Variants in ANK1 observed in about 807,000 individuals in gnomAD.
The protein encoded by ANK1 is ankyrin-1.
In ANK1, 51 loss-of-function variants were observed where a neutral mutation model predicts 210.4. The observed-to-expected ratio is 0.24, with a 90% CI of 0.19 to 0.31. The LOEUF (loss-of-function observed/expected upper bound fraction) is 0.31. ANK1 is among the 10% of genes least tolerant of loss of function. The pLI is 1.00. For synonymous variants in ANK1, 967 were observed against 1,025.9 expected (o/e 0.94, Z 1.10); for missense variants, 2,051 against 2,504.4 (o/e 0.82, Z 3.86).
intron 1 of ANK1, among the ~76,000 whole-genome samples, chr8:41,772,723 C>T (rs1190167464): frequency 6.6e-6 from 1 of 152,230 alleles, no homozygotes; most frequent in African/African-American, 2.4e-5. Flanking sequence ...CCGCAGCTGC[C>T]CTTGCAGTGT....
At chr8:41,732,505 T>C (rs1267129182) in intron 3 of ANK1, among the ~76,000 whole-genome samples, 1 of 151,708 alleles carries the variant, frequency 6.6e-6, no homozygotes, top group East Asian at 1.9e-4. Flanking sequence ...CTCCGCCTCC[T>C]GGGTTCAAGC....
Position 41,699,396 on chromosome 8 carries a change from G to A in ANK1, c.2558+56C>T, listed in dbSNP as rs962271989. On this transcript the variant is annotated intron_variant, in intron 23 of 42. Coordinates refer to ENST00000289734, the MANE Select transcript of ANK1 (RefSeq NM_000037.4). ...TTCCTCCCTCTGGAATCCCTGCTCT[G>A]AGCCACAGGGTTGCATCTCGGCACC... The A allele has an allele frequency of 5.3e-6, 8 of 1,517,924 alleles. No individual in the cohort carries two copies. The East Asian group carries it at 6.8e-5, about 13-fold the overall frequency. 94.0% of individuals were successfully genotyped at this position (1,517,924 alleles called of 1,614,324 possible). A position where few individuals can be genotyped will look rare whatever the true frequency, so the allele number is the denominator to read the frequency against.
chr8:41,678,823 G>T (rs935995361), intron 37 of ANK1, among the ~76,000 whole-genome samples: 9 of 152,032 alleles, frequency 5.9e-5, no homozygotes, highest in Non-Finnish European at 1.5e-5. Flanking sequence ...CGCTTTTGTT[G>T]CCTAGGCTGG....
intron 42 of ANK1, chr8:41,661,202 G>C (rs550506797): frequency 1.7e-6 from 1 of 602,984 alleles, no homozygotes; most frequent in Non-Finnish European, 2.8e-6. Context: ...AAAACCGTGC[G>C]GTCCCTGATA....
intron 37 of ANK1, among the ~76,000 whole-genome samples, chr8:41,683,846 G>A (rs545586796): frequency 9.8e-5 from 15 of 152,322 alleles, no homozygotes; most frequent in African/African-American, 3.4e-4. Context: ...GGAGTGGCAG[G>A]GGCTTGGGGG....
intron 1 of ANK1, among the ~76,000 whole-genome samples, chr8:41,870,488 C>T (rs1815262389): frequency 6.6e-6 from 1 of 152,138 alleles, no homozygotes; most frequent in South Asian, 2.1e-4. Flanking sequence ...AGCCTCAGCC[C>T]CTGTGACTGG....
chr8:41,759,880 C>T (rs997129863), intron 1 of ANK1, among the ~76,000 whole-genome samples: 12 of 152,252 alleles, frequency 7.9e-5, no homozygotes, highest in South Asian at 2.1e-4. Flanking sequence ...AGCAGAAGTG[C>T]CTTGTGCAGC....
At chr8:41,821,989 G>A (rs933452981) in intron 1 of ANK1, among the ~76,000 whole-genome samples, 1 of 151,722 alleles carries the variant, frequency 6.6e-6, no homozygotes, top group African/African-American at 2.4e-5. Context: ...GGCAGAGGTT[G>A]CAGTGAGCCG....
At position 41,727,504 on chromosome 8, in the gene ANK1, G is replaced by A. The variant is rs527712555; in HGVS notation, c.328-156C>T. 1.1e-4 allele frequency among the ~76,000 whole-genome samples: 17 copies of A among 152,134 alleles called. No homozygotes were observed. In the South Asian group the frequency reaches 1.9e-3, roughly 17 times the overall value. On this transcript the variant is annotated intron_variant, in intron 4 of 42. Coordinates refer to ENST00000289734, the MANE Select transcript of ANK1 (RefSeq NM_000037.4). ...GAAACTCATTGTCATGGTGACTGGC[G>A]TCCTGGGATTATTACAAAAGGCCAC...
intron 1 of ANK1, among the ~76,000 whole-genome samples, chr8:41,863,276 G>A (rs186883239): frequency 2.0e-3 from 307 of 149,836 alleles, no homozygotes; most frequent in African/African-American, 7.1e-3. Flanking sequence ...GGAGAATGGC[G>A]TGAACCCAGG....
At chr8:41,825,137 G>A (rs1359890655) in intron 1 of ANK1, among the ~76,000 whole-genome samples, 12 of 152,224 alleles carry the variant, frequency 7.9e-5, no homozygotes, top group Non-Finnish European at 1.8e-4. Flanking sequence ...AACTTCGGCC[G>A]CATTCTGCTC....
chr8:41,711,186 G>A (rs972449881), intron 16 of ANK1, among the ~76,000 whole-genome samples: 14 of 152,142 alleles, frequency 9.2e-5, no homozygotes, highest in African/African-American at 7.2e-5. Context: ...ATGCAGGGTC[G>A]GCTCAAAACA....
At chr8:41,700,899 A>T (rs572034361) in intron 22 of ANK1, among the ~76,000 whole-genome samples, 5 of 152,246 alleles carry the variant, frequency 3.3e-5, no homozygotes, top group African/African-American at 1.2e-4. Context: ...AGTAGCTGGG[A>T]CTACAGATGT....
intron 20 of ANK1, among the ~76,000 whole-genome samples, chr8:41,703,436 ATATATATATATATAT>A (rs1488212328): frequency 7.3e-5 from 5 of 68,046 alleles, no homozygotes; most frequent in Admixed American, 6.7e-4. Context: ...ATATATATAT[ATATATATATATATAT>A]TTTTTTTTTT....
intron 1 of ANK1, among the ~76,000 whole-genome samples, chr8:41,826,236 G>A (rs886137426): frequency 1.3e-5 from 2 of 152,128 alleles, no homozygotes; most frequent in Admixed American, 1.3e-4. Context: ...TCTAGAAAAG[G>A]CTACTCTGGC....
At chr8:41,730,217 G>A (rs1208273781) in intron 3 of ANK1, among the ~76,000 whole-genome samples, 2 of 152,146 alleles carry the variant, frequency 1.3e-5, no homozygotes, top group African/African-American at 4.8e-5. Flanking sequence ...TGCTGACCCC[G>A]CTTCCCCGGG....
rs536499240 is a variant in ANK1, at chr8:41,654,735, C to T, written c.*1055G>A. ...TAGTATTTATTGTTTTTCATATACA[C>T]AAGGCTGATTACTGTACAGTTTACA... On this transcript the variant is annotated 3_prime_UTR_variant, in exon 43 of 43. Transcript: ENST00000289734. 2.6e-5 allele frequency: 4 copies of T among 152,790 alleles called. No individual in the cohort carries two copies. The highest frequency in any genetic ancestry group is 2.0e-4 in the Admixed American group (3 of 15,300). The allele number at this position is 152,790 out of a possible 1,614,324, so 9.5% of individuals were successfully genotyped here.
At chr8:41,728,875 A>G (rs1831402451) in intron 3 of ANK1, among the ~76,000 whole-genome samples, 1 of 152,244 alleles carries the variant, frequency 6.6e-6, no homozygotes, top group Admixed American at 6.5e-5. Flanking sequence ...AAGGCTTGTC[A>G]GCGAGCTGGC....
At chr8:41,761,193 A>G (rs1840333289) in intron 1 of ANK1, among the ~76,000 whole-genome samples, 2 of 108,066 alleles carry the variant, frequency 1.9e-5, no homozygotes, top group Middle Eastern at 4.9e-3. Context: ...ATGCATGCGC[A>G]CACACACAGA....
Sources: gnomAD v4.1 joint callset for allele counts (sites outside exome capture counted in the v4.1 genomes callset) on GRCh38, gnomAD v4.1.1 for gene constraint, MANE v1.5 for transcripts, NCBI Gene and HGNC (gene_info 2026-07-23, HGNC 2026-07-21) for gene names.